Variants in CYP3A5 observed in about 807,000 individuals in gnomAD.
CYP3A5 encodes cytochrome P450 3A5.
CYP3A5 carries 51 observed loss-of-function variants against 55.9 expected under a neutral mutation model. The ratio of observed to expected loss-of-function variants is 0.91; its 90% confidence interval spans 0.73 to 1.15. CYP3A5 has a LOEUF of 1.15. Ranked by LOEUF, CYP3A5 falls within the 50% of genes most tolerant of loss-of-function variation. The probability of loss-of-function intolerance (pLI) is 0.00; values close to 1 mark genes in which losing one functional copy is unlikely to be tolerated. For synonymous variants in CYP3A5, 196 were observed against 213.9 expected (o/e 0.92, Z 0.73); for missense variants, 533 against 596.6 (o/e 0.89, Z 1.11).
At chr7:99,659,479 G>A in intron 10 of CYP3A5, 1 of 154,504 alleles carries the variant, frequency 6.5e-6, no homozygotes, top group South Asian at 2.1e-4. Flanking sequence ...GTGTCAGTCT[G>A]CCCCTACTGG....
Position 99,648,321 on chromosome 7 carries a change from G to A in CYP3A5, c.1493C>T (p.Thr498Ile), listed in dbSNP as rs749945666. The A allele has an allele frequency of 6.2e-7, 1 of 1,612,938 alleles. No homozygotes were observed. The highest frequency in any genetic ancestry group is 8.5e-7 in the Non-Finnish European group (1 of 1,179,258). The change falls in exon 13 of 13, where the codon ACC (threonine) becomes ATC (isoleucine). Residue 498 changes from threonine to isoleucine, a missense_variant. Thr to Ile is a moderately conservative substitution (Grantham distance 89, BLOSUM62 -1). Transcript: ENST00000222982. The stretch of plus-strand genomic sequence containing the variant: ...TAGAATAACTCATTCTCCACTTAGG[G>A]TTCCATCTCTTGAATCCACCTTTAG... ...IVLKVDSRDG[T>I]LSGE
chr7:99,668,789 G>A (rs1056654238), intron 4 of CYP3A5, among the ~76,000 whole-genome samples: 4 of 152,220 alleles, frequency 2.6e-5, no homozygotes, highest in South Asian at 2.1e-4. Context: ...CCATTTGTAC[G>A]CATGTGTGGC....
chr7:99,649,317 G>T (rs998666738), intron 12 of CYP3A5, among the ~76,000 whole-genome samples: 2 of 152,162 alleles, frequency 1.3e-5, no homozygotes, highest in African/African-American at 4.8e-5. Context: ...TGTACTTAAG[G>T]GGTAGAGTTG....
chr7:99,650,639 C>T (rs539380137), intron 11 of CYP3A5, among the ~76,000 whole-genome samples: 24 of 152,168 alleles, frequency 1.6e-4, no homozygotes, highest in Admixed American at 1.6e-3. Flanking sequence ...AAGGAGAAAA[C>T]GTCTTGTGCT....
chr7:99,656,998 T>C (rs1809809609), intron 10 of CYP3A5, among the ~76,000 whole-genome samples: 2 of 152,202 alleles, frequency 1.3e-5, no homozygotes. Flanking sequence ...TTGCTAGCAT[T>C]CTATCAATTT....
At chr7:99,665,891 T>C (rs889337190) in intron 6 of CYP3A5, among the ~76,000 whole-genome samples, 8 of 152,196 alleles carry the variant, frequency 5.3e-5, no homozygotes, top group Admixed American at 3.9e-4. Context: ...AGCAGAGTCA[T>C]TTTTGTAAGA....
At chr7:99,649,772 C>T (rs936726686) in intron 12 of CYP3A5, among the ~76,000 whole-genome samples, 52 of 152,192 alleles carry the variant, frequency 3.4e-4, no homozygotes, top group African/African-American at 1.2e-3. Flanking sequence ...AATCATTGCA[C>T]TTCATGATTG....
Position 99,648,399 on chromosome 7 carries a change from A to G in CYP3A5, c.1415T>C (p.Ile472Thr), listed in dbSNP as rs762333429. 5.0e-6 allele frequency: 8 copies of G among 1,609,782 alleles called. No individual in the cohort carries two copies. Among genetic ancestry groups the G allele is most frequent in the Admixed American group, 3.3e-5 (2 of 59,842 alleles). The part of the protein sequence containing the change: ...FSFKPCKETQ[I>T]PLKLDTQGLL... ...TCCTTGCGTGTCTAATTTCAAGGGG[A>G]TCTACAATAGTTAAACAAGCATATG... The change falls in exon 13 of 13, where the codon ATC becomes ACC. Residue 472 changes from isoleucine (I) to threonine (T), a missense_variant and splice_region_variant. Physicochemically the swap from Ile to Thr is moderately conservative, Grantham distance 89 (BLOSUM62 -1). Transcript: ENST00000222982.
intron 1 of CYP3A5, chr7:99,676,541 G>T (rs745609296): frequency 7.3e-7 from 1 of 1,363,438 alleles, no homozygotes; most frequent in Admixed American, 1.9e-5. Flanking sequence ...TGTCTGTTTA[G>T]TAAGTGGACT....
At chr7:99,679,337 G>C (rs181282754) in intron 1 of CYP3A5, among the ~76,000 whole-genome samples, 5 of 152,064 alleles carry the variant, frequency 3.3e-5, no homozygotes, top group Non-Finnish European at 7.4e-5. Flanking sequence ...GTTGGAAGGC[G>C]GGGGAGCAGG....
intron 1 of CYP3A5, 141 bp from the exon 2 acceptor site, chr7:99,676,349 T>G (rs41301646): frequency 1.6e-5 from 25 of 1,544,576 alleles, no homozygotes; most frequent in Non-Finnish European, 2.0e-5. Context: ...CCAACATCAG[T>G]AATTGCATTC....
intron 6 of CYP3A5, among the ~76,000 whole-genome samples, chr7:99,665,978 C>A (rs1413425857): frequency 2.6e-5 from 4 of 152,194 alleles, no homozygotes; most frequent in Non-Finnish European, 5.9e-5. Context: ...AACTGAGTGA[C>A]CACATGTCCC....
In CYP3A5 at chr7:99,662,792, C is replaced by T. The variant is rs1810577835; in HGVS notation, c.865+24G>A. ...TCCCTCTTAGTGTCCCCGCCAGTAG[C>T]CCTCAGAAGCACTCCTTGGTTACCT... On this transcript the variant is annotated intron_variant, in intron 9 of 12. Coordinates refer to ENST00000222982, the MANE Select transcript of CYP3A5 (RefSeq NM_000777.5). The surrounding 1 kb of genome is among the most constrained non-coding windows in gnomAD (Gnocchi z 4.3). 6.2e-7 allele frequency: 1 copy of T among 1,604,708 alleles called. No homozygotes were observed. Among genetic ancestry groups the T allele is most frequent in the African/African-American group, 1.3e-5 (1 of 74,740 alleles).
intron 1 of CYP3A5, 178 bp from the exon 2 acceptor site, chr7:99,676,386 C>T (rs1012230298): frequency 1.3e-6 from 2 of 1,516,068 alleles, no homozygotes; most frequent in Non-Finnish European, 1.8e-6. Flanking sequence ...CCTGACTATT[C>T]TGAGACCCCT....
intron 9 of CYP3A5, among the ~76,000 whole-genome samples, chr7:99,660,869 A>G (rs1298732901): frequency 6.6e-6 from 1 of 152,166 alleles, no homozygotes; most frequent in African/African-American, 2.4e-5. Context: ...CCCAAGGTCT[A>G]CATGATTGTG....
rs181282754 is a variant in CYP3A5, at chr7:99,679,337, G to T, written c.71+489C>A. Among the ~76,000 whole-genome samples, 3 of 152,182 alleles carry T rather than the reference G, an allele frequency of 2.0e-5. No individual in the cohort carries two copies. In the East Asian group the frequency reaches 5.8e-4, roughly 29 times the overall value. On this transcript the variant is annotated intron_variant, in intron 1 of 12. Coordinates refer to ENST00000222982, the MANE Select transcript of CYP3A5 (RefSeq NM_000777.5). The stretch of plus-strand genomic sequence containing the variant: ...TAAATGATATCCTGGGTTGGAAGGC[G>T]GGGGAGCAGGAACCAGGTCTACAGG...
At chr7:99,669,788 A>C (rs572015500) in intron 4 of CYP3A5, among the ~76,000 whole-genome samples, 1 of 152,338 alleles carries the variant, frequency 6.6e-6, no homozygotes, top group South Asian at 2.1e-4. Flanking sequence ...TATATGAAGC[A>C]GTGAAAAATA....
chr7:99,672,120 C>T (rs909535882), intron 4 of CYP3A5, among the ~76,000 whole-genome samples: 5 of 152,172 alleles, frequency 3.3e-5, no homozygotes, highest in Middle Eastern at 6.8e-3. Flanking sequence ...GGCGTGATCT[C>T]GGCTCACTGC....
rs536364104 is a variant in CYP3A5, at chr7:99,669,790, T to C, written c.319-2725A>G. On this transcript the variant is annotated intron_variant, in intron 4 of 12. Transcript: ENST00000222982. ...AAATCAAGAGATTTATATGAAGCAGTGAAAAATATGTTAAAGCAATTTTCT... is the reference window on the plus strand; with the variant it reads ...AAATCAAGAGATTTATATGAAGCAGCGAAAAATATGTTAAAGCAATTTTCT... Among the ~76,000 whole-genome samples, 4 of 152,324 alleles carry C rather than the reference T, an allele frequency of 2.6e-5. No individual in the cohort carries two copies. The South Asian group carries it at 6.2e-4, about 24-fold the overall frequency.
Sources: allele counts gnomAD v4.1 joint callset (sites outside exome capture counted in the v4.1 genomes callset), GRCh38; gene constraint gnomAD v4.1.1; non-coding constraint Gnocchi (gnomAD v3.1); transcripts MANE v1.5; gene names NCBI Gene and HGNC (gene_info 2026-07-23, HGNC 2026-07-21).